The following ZFHX3 variants were observed in gnomAD, a reference collection of about 807,000 sequenced individuals.
The protein encoded by ZFHX3 is zinc finger homeobox protein 3.
ZFHX3 carries 42 observed loss-of-function variants against 279.1 expected under a neutral mutation model. The observed-to-expected ratio is 0.15, with a 90% confidence interval of 0.12 to 0.19. The LOEUF (loss-of-function observed/expected upper bound fraction) is 0.19, where lower values mean the gene tolerates loss of function less well. Among genes scored for constraint, ZFHX3 ranks in the 10% least tolerant of loss-of-function variants. The pLI is 1.00. For missense variants in ZFHX3, 4,981 were observed against 4,754.0 expected, an observed-to-expected ratio of 1.05 and a Z score of -1.40; for synonymous variants, 2,293 against 1,957.8, an observed-to-expected ratio of 1.17 and a Z score of -4.52.
chr16:73,339,123 A>ATG (rs1415661304), intron 3 of ZFHX3, among the ~76,000 whole-genome samples: 1 of 152,214 alleles, frequency 6.6e-6, no homozygotes, highest in Non-Finnish European at 1.5e-5. Flanking sequence ...CTTTATAGCA[A>ATG]TGTGAGAATG....
At chr16:73,286,709 G>A (rs2014610581) in intron 4 of ZFHX3, among the ~76,000 whole-genome samples, 3 of 151,314 alleles carry the variant, frequency 2.0e-5, no homozygotes, top group South Asian at 2.1e-4. Flanking sequence ...GTGTGTGGGT[G>A]TGTGGGTTCA....
At chr16:73,083,776 C>T (rs1414192261) in intron 8 of ZFHX3, among the ~76,000 whole-genome samples, 3 of 152,130 alleles carry the variant, frequency 2.0e-5, no homozygotes, top group South Asian at 2.1e-4. Flanking sequence ...GCGATCTGCC[C>T]GCCTCAGCCT....
chr16:73,756,912 C>T (rs997849026), intron 1 of ZFHX3, among the ~76,000 whole-genome samples: 15 of 152,200 alleles, frequency 9.9e-5, no homozygotes, highest in African/African-American at 3.6e-4. Flanking sequence ...TTAGGAACCT[C>T]AACATTATGG....
intron 7 of ZFHX3, among the ~76,000 whole-genome samples, chr16:73,105,432 TACAC>T (rs35101079): frequency 0.1 from 11,851 of 116,920 alleles, 821 homozygotes; most frequent in African/African-American, 0.12. Context: ...TATATATATA[TACAC>T]ACACACACAT....
chr16:73,179,941 C>G (rs1235358352), intron 5 of ZFHX3, among the ~76,000 whole-genome samples: 1 of 152,120 alleles, frequency 6.6e-6, no homozygotes, highest in African/African-American at 2.4e-5. Flanking sequence ...TGAGAAAAAT[C>G]AAACAGAGCT....
At chr16:72,918,991 C>T (rs1050043619) in intron 3 of ZFHX3, among the ~76,000 whole-genome samples, 4 of 151,864 alleles carry the variant, frequency 2.6e-5, no homozygotes, top group African/African-American at 4.8e-5. Flanking sequence ...CCACCGCACC[C>T]GGCCTGTTTA....
intron 2 of ZFHX3, among the ~76,000 whole-genome samples, chr16:73,586,113 G>T (rs1017948731): frequency 2.0e-5 from 3 of 152,064 alleles, no homozygotes; most frequent in Non-Finnish European, 4.4e-5. Flanking sequence ...CAAAAGCCAG[G>T]CATGGTGGCT....
chr16:72,845,250 A>T (rs1445169613), intron 4 of ZFHX3, among the ~76,000 whole-genome samples: 3 of 152,110 alleles, frequency 2.0e-5, no homozygotes, highest in African/African-American at 4.8e-5. Flanking sequence ...TGCACCTGAG[A>T]AAACACTGGA....
At chr16:73,062,271 C>CA (rs1353656550), upstream of ZFHX3, 1 of 152,054 alleles carries the variant, frequency 6.6e-6, no homozygotes, top group Non-Finnish European at 1.5e-5. Context: ...TATAAAAACA[C>CA]AAAAATATAT....
intron 1 of ZFHX3, among the ~76,000 whole-genome samples, chr16:73,713,628 CTTT>C (rs113612111): frequency 8.2e-5 from 12 of 146,888 alleles, no homozygotes; most frequent in African/African-American, 3.0e-4. Flanking sequence ...AAGATATTAG[CTTT>C]TTTTTTTTTT....
chr16:73,361,299 A>C (rs8056082), intron 3 of ZFHX3, among the ~76,000 whole-genome samples: 1 of 152,186 alleles, frequency 6.6e-6, no homozygotes, highest in African/African-American at 2.4e-5. Context: ...TCAAAGCAAG[A>C]AGAGGCTTGA....
intron 4 of ZFHX3, among the ~76,000 whole-genome samples, chr16:73,262,406 C>T (rs2013851208): frequency 6.6e-6 from 1 of 152,212 alleles, no homozygotes; most frequent in Non-Finnish European, 1.5e-5. Context: ...CTTTTAGAGT[C>T]AGGAAACTTA....
At chr16:73,843,822 C>G (rs9934245) in intron 1 of ZFHX3, among the ~76,000 whole-genome samples, 4,337 of 152,300 alleles carry the variant, frequency 0.028, 212 homozygotes, top group African/African-American at 0.1. Context: ...CTCAACTCCA[C>G]CTCTGTCGTA....
chr16:73,132,492 T>C (rs1016982638), intron 6 of ZFHX3, among the ~76,000 whole-genome samples: 2 of 152,294 alleles, frequency 1.3e-5, no homozygotes, highest in South Asian at 4.1e-4. Flanking sequence ...TAATCAGCTC[T>C]CTCTTCTCTG....
At chr16:73,872,048 T>C (rs73603576) in intron 1 of ZFHX3, among the ~76,000 whole-genome samples, 4 of 152,238 alleles carry the variant, frequency 2.6e-5, no homozygotes, top group Admixed American at 6.5e-5. Flanking sequence ...TTGCGATCAA[T>C]ATTCACATTT....
At chr16:72,942,243 T>G (rs149610314) in intron 3 of ZFHX3, among the ~76,000 whole-genome samples, 2 of 152,256 alleles carry the variant, frequency 1.3e-5, no homozygotes, top group Non-Finnish European at 2.9e-5. Flanking sequence ...ACCTGCCATA[T>G]TGGCTTTCCT....
chr16:73,363,521 T>C (rs2016470457), intron 3 of ZFHX3, among the ~76,000 whole-genome samples: 1 of 151,956 alleles, frequency 6.6e-6, no homozygotes, highest in Non-Finnish European at 1.5e-5. Flanking sequence ...AAGAACAGAG[T>C]GAAATAGACT....
At chr16:73,223,970 A>G (rs2012507255) in intron 5 of ZFHX3, among the ~76,000 whole-genome samples, 1 of 152,234 alleles carries the variant, frequency 6.6e-6, no homozygotes, top group Non-Finnish European at 1.5e-5. Context: ...TCATTCTGTA[A>G]AACGCAAAAC....
At chr16:73,461,701 G>T (rs190158081) in intron 2 of ZFHX3, among the ~76,000 whole-genome samples, 250 of 152,276 alleles carry the variant, frequency 1.6e-3, no homozygotes, top group Non-Finnish European at 1.4e-3. Context: ...AAGTATTTGT[G>T]TGGGTCTATT....
Sources: gnomAD v4.1 joint callset for allele counts (sites outside exome capture counted in the v4.1 genomes callset) on GRCh38, gnomAD v4.1.1 for gene constraint, MANE v1.5 for transcripts, NCBI Gene and HGNC (gene_info 2026-07-23, HGNC 2026-07-21) for gene names.